Variants in BUD13 observed in about 807,000 individuals in gnomAD.
BUD13 encodes the protein BUD13 spliceosome associated protein.
Under a neutral mutation model 62.5 loss-of-function variants are expected in BUD13, and 47 were observed. That is an observed-to-expected ratio of 0.75 (90% confidence interval 0.60 to 0.96). BUD13 has a LOEUF of 0.96. BUD13 is among the 40% of genes least tolerant of loss of function. The probability of loss-of-function intolerance (pLI) is 0.00; values close to 1 mark genes in which losing one functional copy is unlikely to be tolerated. For missense variants in BUD13, 821 were observed against 790.9 expected, an observed-to-expected ratio of 1.04 and a Z score of -0.46; for synonymous variants, 293 against 280.1, an observed-to-expected ratio of 1.05 and a Z score of -0.46.
rs776414269 is a variant in BUD13, at chr11:116,748,594, T to C, written c.1767-19A>G. Reference sequence around the variant, plus strand: ...ATTGGATCTGCAATCAAAAGAGACATACTATTCAGCTAGAACCCTGAAAGG... The same window carrying C: ...ATTGGATCTGCAATCAAAAGAGACACACTATTCAGCTAGAACCCTGAAAGG... On this transcript the variant is annotated intron_variant, in intron 9 of 9. Transcript: ENST00000260210. 1.9e-6 allele frequency: 3 copies of C among 1,612,128 alleles called. No individual in the cohort carries two copies. Among genetic ancestry groups the C allele is most frequent in the Non-Finnish European group, 1.7e-6 (2 of 1,178,146 alleles).
In BUD13 at chr11:116,765,402, C is replaced by G; in HGVS notation, c.282G>C (p.Met94Ile). 1.2e-6 allele frequency: 2 copies of G among 1,614,158 alleles called. No individual in the cohort carries two copies. The highest frequency in any genetic ancestry group is 1.7e-6 in the Non-Finnish European group (2 of 1,180,020). Reference protein sequence around the residue: ...VDERPEEVKQMEAFRSSAKWK... With the variant: ...VDERPEEVKQIEAFRSSAKWK... The stretch of plus-strand genomic sequence containing the variant: ...ATTTGGCACTGGAACGAAAGGCCTC[C>G]ATCTGCTTTACCTCTTCTGGCCGCT... The change falls in exon 3 of 10, where the codon ATG becomes ATC. Residue 94 changes from methionine to isoleucine, a missense_variant. Met to Ile is a conservative substitution (Grantham distance 10, BLOSUM62 1). Around this residue, in one of 2 missense-constraint regions of BUD13, gnomAD observed 800 missense variants for 739.2 expected, o/e 1.08. Transcript: ENST00000260210.
At chr11:116,759,241 G>C in intron 5 of BUD13, 62 bp from the exon 6 acceptor site, 1 of 1,155,018 alleles carries the variant, frequency 8.7e-7, no homozygotes, top group South Asian at 1.3e-5. Context: ...GGCTCCATGG[G>C]TACACAGTTA....
intron 5 of BUD13, among the ~76,000 whole-genome samples, chr11:116,759,764 C>T (rs1940398358): frequency 6.6e-6 from 1 of 152,094 alleles, no homozygotes. Context: ...TATAAAATGC[C>T]AAGAGGTCCA....
chr11:116,751,913 G>A (rs2134170916), intron 9 of BUD13, among the ~76,000 whole-genome samples: 1 of 152,278 alleles, frequency 6.6e-6, no homozygotes, highest in South Asian at 2.1e-4. Flanking sequence ...GAAATTGCAT[G>A]ACTCTAGGCA....
At chr11:116,772,696 T>C in intron 1 of BUD13, 126 bp downstream of exon 1, 6 of 1,300,460 alleles carry the variant, frequency 4.6e-6, no homozygotes, top group Non-Finnish European at 6.0e-6. Context: ...GCCCTGAGCA[T>C]GAGCAGGGGT....
Position 116,759,013 on chromosome 11 carries a change from T to G in BUD13, c.1360+61A>C, listed in dbSNP as rs1039322907. 4 of 1,155,826 alleles carry G rather than the reference T, an allele frequency of 3.5e-6. No individual in the cohort carries two copies. The African/African-American group carries it at 8.5e-5, about 25-fold the overall frequency. The allele number at this position is 1,155,826 out of a possible 1,614,324, so 71.6% of individuals were successfully genotyped here. A position where few individuals can be genotyped will look rare whatever the true frequency, so the allele number is the denominator to read the frequency against. ...GTTCAAAATATCAGGTACAATAAGC[T>G]AAATTAAAAAAAAAAAAACAGTATG... On this transcript the variant is annotated intron_variant, in intron 6 of 9. Transcript: ENST00000260210.
intron 5 of BUD13, among the ~76,000 whole-genome samples, chr11:116,759,649 C>T (rs1940395640): frequency 6.6e-6 from 1 of 152,158 alleles, no homozygotes; most frequent in Non-Finnish European, 1.5e-5. Flanking sequence ...TTCCACTTAG[C>T]ATCAAGATAG....
Position 116,762,777 on chromosome 11 carries a change from G to A in BUD13, c.812C>T (p.Ser271Phe), listed in dbSNP as rs766495135. The A allele has an allele frequency of 1.2e-6, 2 of 1,614,176 alleles. No homozygotes were observed. The highest frequency in any genetic ancestry group is 1.7e-5 in the Admixed American group (1 of 60,026). The change falls in exon 4 of 10, where the codon TCC becomes TTC. Residue 271 changes from serine to phenylalanine, a missense_variant. This residue lies in a region of BUD13 where 800 missense variants were observed against 739.2 expected (regional missense o/e 1.08). Coordinates refer to ENST00000260210, the MANE Select transcript of BUD13 (RefSeq NM_032725.4). ...TQQLRRARHD[S>F]PDLAPNVTYS... ...AGTGACATTAGGAGCCAAATCAGGG[G>A]AGTCATGACGGGCCCTTCTGAGTTG...
chr11:116,753,702 T>C (rs1160803748), intron 9 of BUD13, among the ~76,000 whole-genome samples: 4 of 152,342 alleles, frequency 2.6e-5, no homozygotes, highest in Non-Finnish European at 5.9e-5. Context: ...TTCAAAGCAC[T>C]AATTACATAT....
chr11:116,761,075 T>A lies in BUD13; in HGVS notation c.1037-123A>T. Reference sequence around the variant, plus strand: ...GAATTCCTTACATTATTATTATTTTTTTTTTTTTGAGACAGTCTCAGGCTG... The same window carrying A: ...GAATTCCTTACATTATTATTATTTTATTTTTTTTGAGACAGTCTCAGGCTG... On this transcript the variant is annotated intron_variant, in intron 4 of 9. Transcript: ENST00000260210. The A allele has an allele frequency of 3.8e-6, 3 of 794,720 alleles. No homozygotes were observed. The South Asian group carries it at 6.2e-5, about 16-fold the overall frequency. 49.2% of individuals were successfully genotyped at this position (794,720 alleles called of 1,614,324 possible).
In BUD13 at chr11:116,748,193, G is replaced by A. The variant is rs1270036207; in HGVS notation, c.*289C>T. Reference sequence around the variant, plus strand: ...GATAATTTTAAAAAAATAAATACATGTTTATTTAAAAAAGAAAAAGAAAAA... The same window carrying A: ...GATAATTTTAAAAAAATAAATACATATTTATTTAAAAAAGAAAAAGAAAAA... On this transcript the variant is annotated 3_prime_UTR_variant, in exon 10 of 10. Transcript: ENST00000260210. 3.4e-6 allele frequency: 1 copy of A among 294,354 alleles called. No individual in the cohort carries two copies. Among genetic ancestry groups the A allele is most frequent in the African/African-American group, 2.2e-5 (1 of 46,110 alleles). The allele number at this position is 294,354 out of a possible 1,614,324, so 18.2% of individuals were successfully genotyped here.
rs769112676 is a variant in BUD13 at position 116,770,168 on chromosome 11, T to C, written c.198A>G (p.Leu66=). 2.5e-6 allele frequency: 4 copies of C among 1,613,704 alleles called. No individual in the cohort carries two copies. The East Asian group carries it at 8.9e-5, about 36-fold the overall frequency. The change falls in exon 2 of 10, where the codon CTA becomes CTG. Residue 66 remains leucine, a synonymous_variant. Transcript: ENST00000260210. The stretch of plus-strand genomic sequence containing the variant: ...CATCATCTTCCTCTTCCTCCTTTTC[T>C]AGTTTGGTTGTGGAGATAGCTGTCC... The part of the protein sequence containing the change: ...VSWTAISTTK[L]EKEEEEDDGD...
At chr11:116,768,210 T>C (rs1031054370) in intron 2 of BUD13, among the ~76,000 whole-genome samples, 3 of 152,144 alleles carry the variant, frequency 2.0e-5, no homozygotes, top group Non-Finnish European at 4.4e-5. Flanking sequence ...TACAACGATG[T>C]ATGATATTTT....
chr11:116,762,525 T>A (rs1372526015), intron 4 of BUD13, 28 bp downstream of exon 4: 1 of 1,516,978 alleles, frequency 6.6e-7, no homozygotes, highest in South Asian at 1.3e-5. Flanking sequence ...GATACATACA[T>A]CCCTCTCATG....
At position 116,772,853 on chromosome 11, in the gene BUD13, G is replaced by C; in HGVS notation, c.112C>G (p.Arg38Gly). 6.3e-7 allele frequency: 1 copy of C among 1,588,502 alleles called. No homozygotes were observed. Among genetic ancestry groups the C allele is most frequent in the Non-Finnish European group, 8.6e-7 (1 of 1,169,470 alleles). The stretch of plus-strand genomic sequence containing the variant: ...CCGCCGGCCCCGCCAGGCTTCGGCC[G>C]CTTTTTGCGACGCTTGCGACCGGAC... ...SESGRKRRKK[R>G]PKPGGAGGKG... Residue 38 changes from arginine (R) to glycine (G), a missense_variant, in exon 1 of 10, where the codon CGG becomes GGG. Physicochemically the swap from Arg to Gly is moderately radical, Grantham distance 125. This residue lies in a region of BUD13 where 800 missense variants were observed against 739.2 expected (regional missense o/e 1.08). Transcript: ENST00000260210.
At chr11:116,770,490 T>C (rs941158721) in intron 1 of BUD13, among the ~76,000 whole-genome samples, 4 of 151,464 alleles carry the variant, frequency 2.6e-5, no homozygotes, top group Non-Finnish European at 4.4e-5. Flanking sequence ...CTCTTTTCAA[T>C]CTTTTTCTTT....
Position 116,748,997 on chromosome 11 carries a change from A to T in BUD13, c.1767-422T>A, listed in dbSNP as rs531392374. On this transcript the variant is annotated intron_variant, in intron 9 of 9. Coordinates refer to ENST00000260210, the MANE Select transcript of BUD13 (RefSeq NM_032725.4). ...CTCTGTCTCAAAAAAAAAAAAAAAA[A>T]AAAAGAAAGAAAGAAACAAAAAAGA... Among the ~76,000 whole-genome samples, 35 of 151,434 alleles carry T rather than the reference A, an allele frequency of 2.3e-4. 1 individual carries two copies. Among genetic ancestry groups the T allele is most frequent in the African/African-American group, 7.7e-4 (32 of 41,454 alleles).
chr11:116,770,497 CTTT>C (rs750220858), intron 1 of BUD13, among the ~76,000 whole-genome samples: 3 of 142,244 alleles, frequency 2.1e-5, no homozygotes, highest in Admixed American at 7.0e-5. Context: ...CAATCTTTTT[CTTT>C]TTTTTTTTTT....
At chr11:116,769,401 A>G (rs904217016) in intron 2 of BUD13, among the ~76,000 whole-genome samples, 1 of 152,238 alleles carries the variant, frequency 6.6e-6, no homozygotes, top group African/African-American at 2.4e-5. Flanking sequence ...GCTATGTTCT[A>G]TTAATCTACA....
Sources: allele counts gnomAD v4.1 joint callset (sites outside exome capture counted in the v4.1 genomes callset), GRCh38; gene constraint gnomAD v4.1.1; regional missense constraint gnomAD v4.1.1; transcripts MANE v1.5; gene names NCBI Gene and HGNC (gene_info 2026-07-23, HGNC 2026-07-21).